MUC3A: variants seen among roughly 807,000 people sequenced by gnomAD.
The protein encoded by MUC3A is mucin-3A.
A neutral mutation model predicts 109.0 loss-of-function variants in MUC3A; 109 were observed. The ratio of observed to expected loss-of-function variants is 1.00; its 90% CI spans 0.86 to 1.17. The LOEUF (loss-of-function observed/expected upper bound fraction) is 1.17, where lower values mean the gene tolerates loss of function less well. Among genes scored for constraint, MUC3A ranks in the 50% most tolerant of loss-of-function variants. The pLI, the probability that MUC3A is intolerant of heterozygous loss-of-function variation, is 0.00. For missense variants in MUC3A, 3,537 were observed against 2,469.4 expected (o/e 1.43, Z -9.16); for synonymous variants, 1,398 against 981.4 (o/e 1.42, Z -7.93).
Position 100,952,072 on chromosome 7 carries a change from C to A in MUC3A, c.293C>A (p.Ser98Tyr). Residue 98 changes from serine to tyrosine, a missense_variant, in exon 2 of 12, where the codon TCC becomes TAC. Transcript: ENST00000379458. ...ACATTGCTCAACTCTCCAGTCAGTT[C>A]CAACACCTCAACCACCCCGACGTCC... Reference protein sequence around the residue: ...SETLLNSPVSSNTSTTPTSKF... With the variant: ...SETLLNSPVSYNTSTTPTSKF... The A allele has an allele frequency of 1.3e-6, 2 of 1,598,648 alleles. No individual in the cohort carries two copies. Among genetic ancestry groups the A allele is most frequent in the Non-Finnish European group, 1.7e-6 (2 of 1,179,814 alleles).
chr7:100,959,487 A>G lies in MUC3A; in HGVS notation c.7708A>G (p.Ile2570Val), dbSNP rs756603238. The G allele has an allele frequency of 2.6e-5, 41 of 1,583,710 alleles. No individual in the cohort carries two copies. The South Asian group carries it at 4.6e-4, about 18-fold the overall frequency. ...NTPISSFSTS[I>V]VVIPETPTQT... Reference sequence around the variant, plus strand: ...CCCAATCAGTTCCTTTAGCACAAGTATTGTTGTTATACCTGAAACCCCAAC... The same window carrying G: ...CCCAATCAGTTCCTTTAGCACAAGTGTTGTTGTTATACCTGAAACCCCAAC... The change falls in exon 2 of 12, where the codon ATT (isoleucine) becomes GTT (valine). Residue 2570 changes from isoleucine (I) to valine (V), a missense_variant. Ile to Val is a conservative substitution (Grantham distance 29). Transcript: ENST00000379458.
chr7:100,965,940 C>T lies in MUC3A; in HGVS notation c.9611+74C>T. 6 of 1,498,874 alleles carry T rather than the reference C, an allele frequency of 4.0e-6. No homozygotes were observed. The South Asian group carries it at 6.6e-5, about 16-fold the overall frequency. The allele number at this position is 1,498,874 out of a possible 1,614,324, so 92.8% of individuals were successfully genotyped here. On this transcript the variant is annotated intron_variant, in intron 8 of 11. Transcript: ENST00000379458. ...CTAGGATGAAGCCCTGCCCCATGCTCCGCCCCGGCTCCGCGCCCTGGGCCT... is the reference window on the plus strand; with the variant it reads ...CTAGGATGAAGCCCTGCCCCATGCTTCGCCCCGGCTCCGCGCCCTGGGCCT...
At position 100,952,050 on chromosome 7, in the gene MUC3A, T is replaced by C; in HGVS notation, c.271T>C (p.Leu91=). The C allele has an allele frequency of 6.3e-7, 1 of 1,598,688 alleles. No individual in the cohort carries two copies. Among genetic ancestry groups the C allele is most frequent in the Non-Finnish European group, 8.5e-7 (1 of 1,179,814 alleles). ...SPHDTLISET[L]LNSPVSSNTS... is the part of the protein sequence containing the mutation. The stretch of plus-strand genomic sequence containing the variant: ...CCATGACACACTCATCTCTGAAACA[T>C]TGCTCAACTCTCCAGTCAGTTCCAA... The change falls in exon 2 of 12, where the codon TTG becomes CTG. Residue 91 remains leucine, a synonymous_variant. Coordinates refer to ENST00000379458, the MANE Select transcript of MUC3A (RefSeq NM_005960.2).
chr7:100,965,311 G>C lies in MUC3A; in HGVS notation c.9412G>C (p.Val3138Leu). 6.3e-7 allele frequency: 1 copy of C among 1,599,240 alleles called. No individual in the cohort carries two copies. The highest frequency in any genetic ancestry group is 1.1e-5 in the South Asian group (1 of 91,004). The stretch of plus-strand genomic sequence containing the variant: ...GTGTTTTAAGCCTGACTCCATCAAG[G>C]TGAACAACAACAGCAAGACAGAGCT... ...TLCFKPDSIK[V>L]NNNSKTELTP... The change falls in exon 7 of 12, where the codon GTG becomes CTG. Residue 3138 changes from valine to leucine, a missense_variant. Physicochemically the swap from Val to Leu is conservative, Grantham distance 32. Transcript: ENST00000379458.
rs1482489015 is a variant in MUC3A at position 100,959,835 on chromosome 7, C to T, written c.8056C>T (p.Pro2686Ser). The T allele has an allele frequency of 3.8e-6, 6 of 1,577,584 alleles. No individual in the cohort carries two copies. The highest frequency in any genetic ancestry group is 1.3e-5 in the African/African-American group (1 of 74,846). ...TAGTACCATCATCTGGTCCTCAACACCCACTATTATCATGTCCTCTTCTCC... is the reference window on the plus strand; with the variant it reads ...TAGTACCATCATCTGGTCCTCAACATCCACTATTATCATGTCCTCTTCTCC... ...SFSTIIWSST[P>S]TIIMSSSPSS... Residue 2686 changes from proline (P) to serine (S), a missense_variant, in exon 2 of 12, where the codon CCC becomes TCC. By Grantham distance (74) the Pro-to-Ser change is moderately conservative. Coordinates refer to ENST00000379458, the MANE Select transcript of MUC3A (RefSeq NM_005960.2).
chr7:100,960,073 C>G lies in MUC3A; in HGVS notation c.8294C>G (p.Ser2765Cys). 6.6e-7 allele frequency: 1 copy of G among 1,513,362 alleles called. No individual in the cohort carries two copies. The highest frequency in any genetic ancestry group is 8.8e-7 in the Non-Finnish European group (1 of 1,141,252). The allele number at this position is 1,513,362 out of a possible 1,614,324, so 93.7% of individuals were successfully genotyped here. A position where few individuals can be genotyped will look rare whatever the true frequency, so the allele number is the denominator to read the frequency against. Residue 2765 changes from serine (S) to cysteine (C), a missense_variant, in exon 2 of 12, where the codon TCC becomes TGC. Transcript: ENST00000379458. ...ITPFSYISLP[S>C]TTPCPGTITI... ...CCCTTTTCTTATATTTCCCTTCCCT[C>G]CACCACACCCTGTCCAGGAACTATA...
Position 100,957,345 on chromosome 7 carries a change from A to G in MUC3A, c.5566A>G (p.Thr1856Ala), listed in dbSNP as rs1276140913. Residue 1856 changes from threonine to alanine, a missense_variant, in exon 2 of 12, where the codon ACC (threonine) becomes GCC (alanine). Coordinates refer to ENST00000379458, the MANE Select transcript of MUC3A (RefSeq NM_005960.2). Reference sequence around the variant, plus strand: ...TGCTCTCACAGATTCCACGACCAGAACCACCTATTCCACCAATATGACAGG... The same window carrying G: ...TGCTCTCACAGATTCCACGACCAGAGCCACCTATTCCACCAATATGACAGG... ...TSALTDSTTR[T>A]TYSTNMTGTL... The G allele has an allele frequency of 1.5e-5, 9 of 608,434 alleles. No individual in the cohort carries two copies. Among genetic ancestry groups the G allele is most frequent in the Non-Finnish European group, 1.7e-5 (6 of 350,504 alleles). 37.7% of individuals were successfully genotyped at this position (608,434 alleles called of 1,614,324 possible). A position where few individuals can be genotyped will look rare whatever the true frequency, so the allele number is the denominator to read the frequency against.
intron 3 of MUC3A, among the ~76,000 whole-genome samples, chr7:100,962,797 T>TTCTCTCTCTC (rs67170949): frequency 5.6e-5 from 8 of 143,430 alleles, no homozygotes; most frequent in South Asian, 2.3e-4. Flanking sequence ...CTTTCTTTCT[T>TTCTCTCTCTC]TCTCTCTCTC....
chr7:100,960,224 T>C lies in MUC3A; in HGVS notation c.8445T>C (p.Cys2815=). 1 of 1,598,070 alleles carries C rather than the reference T, an allele frequency of 6.3e-7. No homozygotes were observed. Among genetic ancestry groups the C allele is most frequent in the Non-Finnish European group, 8.5e-7 (1 of 1,179,444 alleles). The change falls in exon 2 of 12, where the codon TGT becomes TGC. Residue 2815 remains cysteine (C), a synonymous_variant. Transcript: ENST00000379458. ...VFPFTTEMVT[C]PTSISIQTTL... is the part of the protein sequence containing the mutation. ...CCTTTACTACCGAAATGGTCACCTG[T>C]CCTACCTCCATCAGTATCCAAACTA...
chr7:100,966,520 C>A lies in MUC3A; in HGVS notation c.9746C>A (p.Ala3249Glu). 2 of 1,311,186 alleles carry A rather than the reference C, an allele frequency of 1.5e-6. No individual in the cohort carries two copies. The highest frequency in any genetic ancestry group is 9.6e-7 in the Non-Finnish European group (1 of 1,039,946). The allele number at this position is 1,311,186 out of a possible 1,614,324, so 81.2% of individuals were successfully genotyped here. The change falls in exon 9 of 12, where the codon GCG (alanine) becomes GAG (glutamate). Residue 3249 changes from alanine to glutamate, a missense_variant. Ala to Glu is a moderately radical substitution (Grantham distance 107). Transcript: ENST00000379458. Reference sequence around the variant, plus strand: ...CTGCTGCTGGCGCTGGGCGTCCGGGCGGTGCGCTCCGGATGGTGGGGCGGC... The same window carrying A: ...CTGCTGCTGGCGCTGGGCGTCCGGGAGGTGCGCTCCGGATGGTGGGGCGGC... ...VLLLLALGVRAVRSGWWGGQR... is the reference protein window; with the variant it reads ...VLLLLALGVREVRSGWWGGQR...
At chr7:100,963,127 T>G in intron 3 of MUC3A, 24 bp from the exon 4 acceptor site, 2 of 1,595,432 alleles carry the variant, frequency 1.3e-6, no homozygotes, top group Non-Finnish European at 1.7e-6. Flanking sequence ...GAGAAGTGAC[T>G]GGGGACATGC....
chr7:100,965,052 T>C lies in MUC3A; in HGVS notation c.9382+209T>C, dbSNP rs1432737159. The C allele has an allele frequency of 3.6e-6, 4 of 1,096,084 alleles. No homozygotes were observed. The African/African-American group carries it at 6.3e-5, about 17-fold the overall frequency. The allele number at this position is 1,096,084 out of a possible 1,614,324, so 67.9% of individuals were successfully genotyped here. ...CGGTACTGGGAAAGAGACCCCCTGA[T>C]TGTCATGGTCAGCATTTCCCGGATG... On this transcript the variant is annotated intron_variant, in intron 6 of 11. Coordinates refer to ENST00000379458, the MANE Select transcript of MUC3A (RefSeq NM_005960.2).
rs1584798196 is a variant in MUC3A, at chr7:100,951,847, T to C, written c.68T>C (p.Leu23Ser). The part of the protein sequence containing the change: ...LKASPWATGT[L>S]STATSISQVP... ...TGCTCTGCCGCCAATGCAGGAACTT[T>C]ATCCACGGCCACATCCATCTCTCAA... Residue 23 changes from leucine (L) to serine (S), a missense_variant, in exon 2 of 12, where the codon TTA becomes TCA. Physicochemically the swap from Leu to Ser is moderately radical, Grantham distance 145. Transcript: ENST00000379458. 1 of 1,596,016 alleles carries C rather than the reference T, an allele frequency of 6.3e-7. No individual in the cohort carries two copies.
intron 4 of MUC3A, 96 bp downstream of exon 4, chr7:100,963,362 T>G: frequency 1.0e-6 from 1 of 998,638 alleles, no homozygotes; most frequent in Admixed American, 2.4e-5. Context: ...CTTGGGTCAC[T>G]GCAACCTCCG....
Position 100,953,914 on chromosome 7 carries a change from C to A in MUC3A, c.2135C>A (p.Pro712His). 1 of 449,628 alleles carries A rather than the reference C, an allele frequency of 2.2e-6. No individual in the cohort carries two copies. Among genetic ancestry groups the A allele is most frequent in the South Asian group, 6.2e-5 (1 of 16,254 alleles). The allele number at this position is 449,628 out of a possible 1,614,324, so 27.9% of individuals were successfully genotyped here. A position where few individuals can be genotyped will look rare whatever the true frequency, so the allele number is the denominator to read the frequency against. Reference sequence around the variant, plus strand: ...ATGACTACATCTGAGACCACCTATCCTAATTCTCCGACTGGTCCTGGTACA... The same window carrying A: ...ATGACTACATCTGAGACCACCTATCATAATTCTCCGACTGGTCCTGGTACA... ...SSMTTSETTY[P>H]NSPTGPGTNS... Residue 712 changes from proline to histidine, a missense_variant, in exon 2 of 12, where the codon CCT becomes CAT. Physicochemically the swap from Pro to His is moderately conservative, Grantham distance 77 (BLOSUM62 -2). Coordinates refer to ENST00000379458, the MANE Select transcript of MUC3A (RefSeq NM_005960.2).
Position 100,955,729 on chromosome 7 carries a change from C to A in MUC3A, c.3950C>A (p.Thr1317Lys), listed in dbSNP as rs1013168262. 2 of 418,700 alleles carry A rather than the reference C, an allele frequency of 4.8e-6. No individual in the cohort carries two copies. The highest frequency in any genetic ancestry group is 4.2e-6 in the Non-Finnish European group (1 of 239,366). The allele number at this position is 418,700 out of a possible 1,614,324, so 25.9% of individuals were successfully genotyped here. The change falls in exon 2 of 12, where the codon ACA (threonine) becomes AAA (lysine). Residue 1317 changes from threonine (T) to lysine (K), a missense_variant. Thr to Lys is a moderately conservative substitution (Grantham distance 78). Coordinates refer to ENST00000379458, the MANE Select transcript of MUC3A (RefSeq NM_005960.2). ...GCCAGCACCAATACAATCCACACAA[C>A]AGCTGAATCCGCCCTGGCACCCACT... ...LPASTNTIHT[T>K]AESALAPTTT...
chr7:100,960,411 G>T lies in MUC3A; in HGVS notation c.8632G>T (p.Val2878Leu), dbSNP rs943958158. The T allele has an allele frequency of 1.3e-6, 2 of 1,598,550 alleles. No homozygotes were observed. Among genetic ancestry groups the T allele is most frequent in the East Asian group, 2.2e-5 (1 of 44,892 alleles). The stretch of plus-strand genomic sequence containing the variant: ...TGAGACCTGGCTGAGCAACAGTTCT[G>T]TGATCCCCCTACCTCTTCCTGGCGT... ...TSETWLSNSS[V>L]IPLPLPGVST... Residue 2878 changes from valine (V) to leucine (L), a missense_variant, in exon 2 of 12, where the codon GTG becomes TTG. Transcript: ENST00000379458.
intron 8 of MUC3A, 69 bp from the exon 9 acceptor site, chr7:100,966,317 G>T (rs1470334598): frequency 7.9e-7 from 1 of 1,262,874 alleles, no homozygotes; most frequent in Non-Finnish European, 9.9e-7. Flanking sequence ...CCGCCCCCGC[G>T]GGGCCCAGGT....
At position 100,958,106 on chromosome 7, in the gene MUC3A, C is replaced by G. The variant is rs2116184160; in HGVS notation, c.6327C>G (p.Ser2109Arg). ...TTETTSHSTP[S>R]FTSSITTSEM... ...AGACCACCTCACACAGTACTCCCAG[C>G]TTCACTTCCTCAATCACCACCTCTG... Residue 2109 changes from serine (S) to arginine (R), a missense_variant, in exon 2 of 12, where the codon AGC (serine) becomes AGG (arginine). Physicochemically the swap from Ser to Arg is moderately radical, Grantham distance 110. Transcript: ENST00000379458. 7.2e-7 allele frequency: 1 copy of G among 1,386,728 alleles called. No homozygotes were observed. The highest frequency in any genetic ancestry group is 1.0e-6 in the Non-Finnish European group (1 of 990,580). The allele number at this position is 1,386,728 out of a possible 1,614,324, so 85.9% of individuals were successfully genotyped here. A position where few individuals can be genotyped will look rare whatever the true frequency, so the allele number is the denominator to read the frequency against.
Sources: gnomAD v4.1 joint callset for allele counts (sites outside exome capture counted in the v4.1 genomes callset) on GRCh38, gnomAD v4.1.1 for gene constraint, MANE v1.5 for transcripts, NCBI Gene and HGNC (gene_info 2026-07-23, HGNC 2026-07-21) for gene names.